The following HELZ variants were observed in gnomAD, a reference collection of about 807,000 sequenced individuals.
HELZ encodes helicase with zinc finger.
HELZ carries 23 observed loss-of-function variants against 218.2 expected under a neutral mutation model. That is an observed-to-expected ratio of 0.11 (90% CI 0.08 to 0.15). The LOEUF (loss-of-function observed/expected upper bound fraction) is 0.15. Among genes scored for constraint, HELZ ranks in the 10% least tolerant of loss-of-function variants. The probability of loss-of-function intolerance (pLI) is 1.00; values close to 1 mark genes in which losing one functional copy is unlikely to be tolerated. For missense variants in HELZ, 1,813 were observed against 2,353.7 expected (o/e 0.77, Z 4.75); for synonymous variants, 814 against 829.4 (o/e 0.98, Z 0.32).
chr17:67,160,800 C>T (rs1227470066), intron 16 of HELZ, 97 bp downstream of exon 16: 4 of 835,750 alleles, frequency 4.8e-6, no homozygotes, highest in Non-Finnish European at 7.1e-6. Flanking sequence ...TTAAGAGCTG[C>T]ATGAAAACTG....
chr17:67,194,708 T>A (rs1490644590), intron 8 of HELZ, among the ~76,000 whole-genome samples: 3 of 152,192 alleles, frequency 2.0e-5, no homozygotes, highest in Non-Finnish European at 4.4e-5. Context: ...TAGAACTTTA[T>A]AGAGGTTGAG....
chr17:67,074,412 T>C lies in HELZ; in HGVS notation c.*3840A>G, dbSNP rs2035967587. On this transcript the variant is annotated 3_prime_UTR_variant, in exon 33 of 33. Coordinates refer to ENST00000358691, the MANE Select transcript of HELZ (RefSeq NM_014877.4). ...AAAACAATGCTATAGAAGGTGTCTGTTTTTAAATGAGTATTTCAGTAAGTC... is the reference window on the plus strand; with the variant it reads ...AAAACAATGCTATAGAAGGTGTCTGCTTTTAAATGAGTATTTCAGTAAGTC... The C allele has an allele frequency of 6.6e-6, 1 of 152,174 alleles. No individual in the cohort carries two copies. Among genetic ancestry groups the C allele is most frequent in the Admixed American group, 6.5e-5 (1 of 15,280 alleles). The allele number at this position is 152,174 out of a possible 1,614,324, so 9.4% of individuals were successfully genotyped here.
chr17:67,150,676 T>C (rs1330919128), intron 18 of HELZ, among the ~76,000 whole-genome samples: 1 of 152,056 alleles, frequency 6.6e-6, no homozygotes. Flanking sequence ...ACACCAACAC[T>C]CTCCAAATTG....
At chr17:67,234,164 A>T (rs1248732716) in intron 3 of HELZ, among the ~76,000 whole-genome samples, 1 of 151,806 alleles carries the variant, frequency 6.6e-6, no homozygotes, top group Non-Finnish European at 1.5e-5. Flanking sequence ...CTCTACAAAA[A>T]ATACAAAAAT....
rs745442981 is a variant in HELZ, at chr17:67,108,400, A to G, written c.4724+92T>C. ...GCCAGCATCCAATTTCTCTGAGGCA[A>G]TATTCCAGCTTGAAGCTAAAAGGAC... is the stretch of plus-strand genomic sequence containing the variant. On this transcript the variant is annotated intron_variant, in intron 30 of 32. Coordinates refer to ENST00000358691, the MANE Select transcript of HELZ (RefSeq NM_014877.4). The surrounding 1 kb of genome is among the most constrained non-coding windows in gnomAD (Gnocchi z 4.1). The G allele has an allele frequency of 1.8e-5, 16 of 909,774 alleles. No homozygotes were observed. Among genetic ancestry groups the G allele is most frequent in the South Asian group, 8.8e-5 (6 of 67,806 alleles). 56.4% of individuals were successfully genotyped at this position (909,774 alleles called of 1,614,324 possible).
chr17:67,184,546 C>T (rs1408639569), intron 12 of HELZ, among the ~76,000 whole-genome samples: 1 of 152,132 alleles, frequency 6.6e-6, no homozygotes, highest in East Asian at 1.9e-4. Context: ...TGCCTATAAT[C>T]TCAGCACTCT....
chr17:67,206,788 G>A (rs922027908), intron 5 of HELZ, among the ~76,000 whole-genome samples: 4 of 151,566 alleles, frequency 2.6e-5, no homozygotes, highest in African/African-American at 7.3e-5. Flanking sequence ...TAGTAGAGAC[G>A]GGCTTTCTCC....
chr17:67,122,086 G>T (rs879628414), intron 26 of HELZ, among the ~76,000 whole-genome samples: 12 of 152,154 alleles, frequency 7.9e-5, no homozygotes, highest in Non-Finnish European at 1.0e-4. Flanking sequence ...TACAAATTAA[G>T]ATTACAATTA....
At position 67,160,381 on chromosome 17, in the gene HELZ, C is replaced by T. The variant is rs370584541; in HGVS notation, c.2076-19G>A. ...GAGAATCCTGCTGAAATAAATGGTG[C>T]AAATAAAAAGAATGATAAAACACAA... On this transcript the variant is annotated intron_variant, in intron 16 of 32. Coordinates refer to ENST00000358691, the MANE Select transcript of HELZ (RefSeq NM_014877.4). 2.0e-6 allele frequency: 3 copies of T among 1,512,076 alleles called. No homozygotes were observed. The highest frequency in any genetic ancestry group is 3.4e-5 in the Admixed American group (2 of 59,236). 93.7% of individuals were successfully genotyped at this position (1,512,076 alleles called of 1,614,324 possible).
At chr17:67,210,342 G>A (rs2040418980) in intron 5 of HELZ, among the ~76,000 whole-genome samples, 1 of 152,206 alleles carries the variant, frequency 6.6e-6, no homozygotes, top group Non-Finnish European at 1.5e-5. Context: ...CTAAAAGTCA[G>A]CCTCTTTAAC....
intron 23 of HELZ, among the ~76,000 whole-genome samples, chr17:67,135,165 TG>T (rs2038110202): frequency 6.6e-6 from 1 of 152,170 alleles, no homozygotes; most frequent in Non-Finnish European, 1.5e-5. Context: ...TAAAGTCTAA[TG>T]AATACTAATA....
chr17:67,078,964 A>C (rs1362754077), intron 32 of HELZ, among the ~76,000 whole-genome samples: 1 of 152,146 alleles, frequency 6.6e-6, no homozygotes, highest in Non-Finnish European at 1.5e-5. Context: ...GCATATCCAG[A>C]CTCTTGGTCA....
intron 22 of HELZ, 84 bp from the exon 23 acceptor site, chr17:67,136,282 G>T: frequency 2.2e-6 from 2 of 905,892 alleles, no homozygotes; most frequent in Non-Finnish European, 3.4e-6. Flanking sequence ...TTTTTAAAAT[G>T]TTATTGCTAA....
At chr17:67,115,170 A>C (rs955601708) in intron 27 of HELZ, among the ~76,000 whole-genome samples, 5 of 152,142 alleles carry the variant, frequency 3.3e-5, no homozygotes, top group African/African-American at 1.2e-4. Context: ...GGAGATGAAG[A>C]AAGCACTGAA....
Position 67,188,223 on chromosome 17 carries a change from C to A in HELZ, c.1162+96G>T. 8.5e-7 allele frequency: 1 copy of A among 1,174,324 alleles called. No homozygotes were observed. The highest frequency in any genetic ancestry group is 2.4e-5 in the East Asian group (1 of 42,376). The allele number at this position is 1,174,324 out of a possible 1,614,324, so 72.7% of individuals were successfully genotyped here. Reference sequence around the variant, plus strand: ...TGGGATTTTTTTCTTTATTACTATTCTCTTCCTATCCATGGAATATATTCA... The same window carrying A: ...TGGGATTTTTTTCTTTATTACTATTATCTTCCTATCCATGGAATATATTCA... On this transcript the variant is annotated intron_variant, in intron 12 of 32. Transcript: ENST00000358691. This position sits in a 1 kb window ranked among gnomAD's most constrained non-coding sequence, Gnocchi z 4.1.
At chr17:67,119,434 G>A (rs190284350) in intron 27 of HELZ, among the ~76,000 whole-genome samples, 3 of 152,318 alleles carry the variant, frequency 2.0e-5, no homozygotes, top group Admixed American at 2.0e-4. Context: ...GAGAGTATGG[G>A]ACAAAAGTCA....
intron 3 of HELZ, among the ~76,000 whole-genome samples, chr17:67,222,604 G>A (rs2040776620): frequency 6.6e-6 from 1 of 152,288 alleles, no homozygotes; most frequent in Admixed American, 6.5e-5. Context: ...TCACTTAGCT[G>A]TAGTGTGGAA....
chr17:67,174,591 G>A (rs916482258), intron 13 of HELZ, among the ~76,000 whole-genome samples: 1 of 152,090 alleles, frequency 6.6e-6, no homozygotes, highest in South Asian at 2.1e-4. Flanking sequence ...CTGAGGTCAG[G>A]AGTTCAAGAC....
intron 5 of HELZ, among the ~76,000 whole-genome samples, chr17:67,211,869 G>A (rs1211064124): frequency 1.3e-5 from 2 of 151,696 alleles, no homozygotes; most frequent in African/African-American, 4.8e-5. Flanking sequence ...AAAAAAAGAA[G>A]AAAAGGGGAA....
Sources: allele counts gnomAD v4.1 joint callset (sites outside exome capture counted in the v4.1 genomes callset), GRCh38; gene constraint gnomAD v4.1.1; non-coding constraint Gnocchi (gnomAD v3.1); transcripts MANE v1.5; gene names NCBI Gene and HGNC (gene_info 2026-07-23, HGNC 2026-07-21).